Variants in TVP23A observed in about 807,000 individuals in gnomAD.
TVP23A encodes the protein trans-golgi network vesicle protein 23 homolog A.
Under a neutral mutation model 31.7 loss-of-function variants are expected in TVP23A, and 21 were observed. The observed-to-expected ratio is 0.66, with a 90% CI of 0.47 to 0.95. The LOEUF (loss-of-function observed/expected upper bound fraction) is 0.95, where lower values mean the gene tolerates loss of function less well. Among genes scored for constraint, TVP23A ranks in the 40% least tolerant of loss-of-function variants. The probability of loss-of-function intolerance (pLI) is 0.00; values close to 1 mark genes in which losing one functional copy is unlikely to be tolerated. For missense variants in TVP23A, 279 were observed against 255.6 expected (o/e 1.09, Z -0.62); for synonymous variants, 104 against 96.0 (o/e 1.08, Z -0.49).
intron 3 of TVP23A, among the ~76,000 whole-genome samples, chr16:10,774,428 A>G (rs931138908): frequency 1.3e-5 from 2 of 151,996 alleles, no homozygotes; most frequent in Non-Finnish European, 2.9e-5. Context: ...TCCCCACCCA[A>G]ACCTCATCTT....
intron 3 of TVP23A, 26 bp from the exon 4 acceptor site, chr16:10,774,154 G>A (rs181916057): frequency 6.4e-7 from 1 of 1,570,854 alleles, no homozygotes. Context: ...AAAGGACTCT[G>A]AGCAGGTCAC....
At chr16:10,797,082 A>G (rs1173710036) in intron 2 of TVP23A, among the ~76,000 whole-genome samples, 1 of 151,428 alleles carries the variant, frequency 6.6e-6, no homozygotes, top group African/African-American at 2.4e-5. Context: ...TCAGCTACTC[A>G]GGAGGCTAAA....
At chr16:10,763,001 G>A (rs2030238531), downstream of TVP23A, among the ~76,000 whole-genome samples, 1 of 152,126 alleles carries the variant, frequency 6.6e-6, no homozygotes, top group Non-Finnish European at 1.5e-5. Flanking sequence ...TGAGGCCCTG[G>A]GTTCTGGCGT....
intron 2 of TVP23A, among the ~76,000 whole-genome samples, chr16:10,800,640 CTTTAG>C (rs1202785346): frequency 1.3e-5 from 2 of 152,110 alleles, no homozygotes; most frequent in African/African-American, 2.4e-5. Flanking sequence ...GTGGGAGGCT[CTTTAG>C]TTTATTTATT....
Position 10,777,122 on chromosome 16 carries a change from C to T in TVP23A, c.90-2026G>A, listed in dbSNP as rs142367367. Among the ~76,000 whole-genome samples, 322 of 152,210 alleles carry T rather than the reference C, an allele frequency of 2.1e-3. 2 individuals carry two copies. The highest frequency in any genetic ancestry group is 0.015 in the South Asian group (74 of 4,826). ...CAAGATGGAGTTGCTCTGGTTCACA[C>T]GCCTCTGACACAGTGATGGATGAGA... is the stretch of plus-strand genomic sequence containing the variant. On this transcript the variant is annotated intron_variant, in intron 2 of 7. Transcript: ENST00000299866. This position sits in a 1 kb window ranked among gnomAD's most constrained non-coding sequence, Gnocchi z 4.5.
chr16:10,780,807 G>C (rs143492330), intron 2 of TVP23A, among the ~76,000 whole-genome samples: 3 of 152,016 alleles, frequency 2.0e-5, no homozygotes, highest in Admixed American at 1.3e-4. Flanking sequence ...TCAGTCCTCC[G>C]TGTCATTCGA....
In TVP23A at chr16:10,774,103, C is replaced by T. The variant is rs759510008; in HGVS notation, c.260G>A (p.Gly87Asp). ...VKNVTGRLLV[G>D]LRWWNQIDED... The stretch of plus-strand genomic sequence containing the variant: ...ATCTATCTGGTTCCACCATCGAAGG[C>T]CCACCAGGAGTCTTCCGGTTACATT... The change falls in exon 4 of 8, where the codon GGC becomes GAC. Residue 87 changes from glycine to aspartate, a missense_variant. Physicochemically the swap from Gly to Asp is moderately conservative, Grantham distance 94. Transcript: ENST00000299866. The T allele has an allele frequency of 3.7e-6, 6 of 1,610,966 alleles. No individual in the cohort carries two copies. The South Asian group carries it at 5.6e-5, about 15-fold the overall frequency.
Position 10,818,385 on chromosome 16 carries a change from G to A in TVP23A, c.9+100C>T, listed in dbSNP as rs1042419733. The A allele has an allele frequency of 1.3e-6, 2 of 1,516,230 alleles. No homozygotes were observed. The highest frequency in any genetic ancestry group is 1.4e-5 in the African/African-American group (1 of 72,738). The allele number at this position is 1,516,230 out of a possible 1,614,324, so 93.9% of individuals were successfully genotyped here. The stretch of plus-strand genomic sequence containing the variant: ...ACCACCGGGTGCAGCCCAGCCCCAG[G>A]CCCCGGCGCATCCCTCCTCCTCCTC... On this transcript the variant is annotated intron_variant, in intron 1 of 7. Transcript: ENST00000299866. This position sits in a 1 kb window ranked among gnomAD's most constrained non-coding sequence, Gnocchi z 4.7.
downstream of TVP23A, chr16:10,761,210 T>G: frequency 1.7e-6 from 1 of 593,032 alleles, no homozygotes; most frequent in Non-Finnish European, 3.0e-6. Flanking sequence ...GAGCTGAGAT[T>G]TGGATGGGGA....
intron 5 of TVP23A, among the ~76,000 whole-genome samples, chr16:10,772,885 T>A (rs955331854): frequency 5.9e-5 from 9 of 152,044 alleles, no homozygotes; most frequent in Non-Finnish European, 8.8e-5. Flanking sequence ...ACACTTAGTA[T>A]TTATTTTATT....
At chr16:10,811,275 ATTTTG>A (rs981148985) in intron 2 of TVP23A, among the ~76,000 whole-genome samples, 1 of 152,048 alleles carries the variant, frequency 6.6e-6, no homozygotes, top group African/African-American at 2.4e-5. Flanking sequence ...CTTTTTATTT[ATTTTG>A]TTTTTTGAGA....
downstream of TVP23A, among the ~76,000 whole-genome samples, chr16:10,759,871 C>G (rs561471890): frequency 6.6e-6 from 1 of 152,346 alleles, no homozygotes; most frequent in South Asian, 2.1e-4. The surrounding 1 kb of genome is among the most constrained non-coding windows in gnomAD (Gnocchi z 4.7). Context: ...GTGTCAAGAG[C>G]CAAACAGGCA....
intron 2 of TVP23A, among the ~76,000 whole-genome samples, chr16:10,780,311 T>C (rs1480406652): frequency 6.6e-6 from 1 of 152,138 alleles, no homozygotes; most frequent in Non-Finnish European, 1.5e-5. Context: ...CCTAATAAAC[T>C]TGTTTGTGGA....
At chr16:10,765,562 CCCAG>C (rs2030755348), downstream of TVP23A, among the ~76,000 whole-genome samples, 1 of 152,086 alleles carries the variant, frequency 6.6e-6, no homozygotes, top group African/African-American at 2.4e-5. This position sits in a 1 kb window ranked among gnomAD's most constrained non-coding sequence, Gnocchi z 4.0. Flanking sequence ...TGTCCACGGG[CCCAG>C]CCACAGGCCT....
chr16:10,816,501 T>G (rs555649112), intron 2 of TVP23A, among the ~76,000 whole-genome samples: 10 of 152,136 alleles, frequency 6.6e-5, no homozygotes, highest in African/African-American at 2.4e-4. Context: ...ACCCAGCTAA[T>G]TTTTGTATTT....
At chr16:10,816,149 C>T (rs73497776) in intron 2 of TVP23A, among the ~76,000 whole-genome samples, 17,911 of 150,996 alleles carry the variant, frequency 0.12, 2,447 homozygotes, top group African/African-American at 0.32. Context: ...AACTCTTGAA[C>T]CCAAAAGTTT....
In TVP23A at chr16:10,768,869, G is replaced by A; in HGVS notation, c.*233C>T. 1.7e-6 allele frequency: 1 copy of A among 575,802 alleles called. No homozygotes were observed. 35.7% of individuals were successfully genotyped at this position (575,802 alleles called of 1,614,324 possible). A position where few individuals can be genotyped will look rare whatever the true frequency, so the allele number is the denominator to read the frequency against. On this transcript the variant is annotated 3_prime_UTR_variant, in exon 8 of 8. Coordinates refer to ENST00000299866, the MANE Select transcript of TVP23A (RefSeq NM_001079512.4). This position sits in a 1 kb window ranked among gnomAD's most constrained non-coding sequence, Gnocchi z 4.3. ...CAGCCACTGGTTATGAGCAAGATGG[G>A]TAGTGTGAGGTATTCCGGTCACTTT... is the stretch of plus-strand genomic sequence containing the variant.
chr16:10,786,467 G>A (rs892237886), intron 2 of TVP23A, among the ~76,000 whole-genome samples: 2 of 151,974 alleles, frequency 1.3e-5, no homozygotes, highest in Non-Finnish European at 2.9e-5. Context: ...TTTGAAAACT[G>A]TACTCCTTTT....
At chr16:10,811,740 T>A (rs886094275) in intron 2 of TVP23A, among the ~76,000 whole-genome samples, 1 of 151,298 alleles carries the variant, frequency 6.6e-6, no homozygotes, top group Non-Finnish European at 1.5e-5. Context: ...CCGTCTCTAC[T>A]AAAAATACAA....
Sources: gnomAD v4.1 joint callset for allele counts (sites outside exome capture counted in the v4.1 genomes callset) on GRCh38, gnomAD v4.1.1 for gene constraint, Gnocchi (gnomAD v3.1) non-coding constraint, MANE v1.5 for transcripts, NCBI Gene and HGNC (gene_info 2026-07-23, HGNC 2026-07-21) for gene names.